GABRB2: variants seen among roughly 807,000 people sequenced by gnomAD.
The protein encoded by GABRB2 is gamma-aminobutyric acid type A receptor subunit beta2.
In GABRB2, 16 loss-of-function variants were observed where a neutral mutation model predicts 54.7. The observed-to-expected ratio is 0.29, with a 90% CI of 0.20 to 0.44. GABRB2 has a LOEUF of 0.44. GABRB2 is among the 20% of genes least tolerant of loss of function. GABRB2 has a pLI of 1.00. For synonymous variants in GABRB2, 244 were observed against 233.8 expected, an observed-to-expected ratio of 1.04 and a Z score of -0.40; for missense variants, 355 against 644.0, an observed-to-expected ratio of 0.55 and a Z score of 4.86.
chr5:161,390,842 C>T (rs1044795686), intron 5 of GABRB2, among the ~76,000 whole-genome samples: 24 of 152,108 alleles, frequency 1.6e-4, no homozygotes, highest in Admixed American at 6.6e-4. Flanking sequence ...ATCTCAAACT[C>T]GCCTATGTTC....
chr5:161,341,937 T>TATATATATA (rs1754172106), intron 5 of GABRB2, among the ~76,000 whole-genome samples: 6 of 75,692 alleles, frequency 7.9e-5, no homozygotes, highest in South Asian at 5.7e-4. Context: ...ATTTTTTCTT[T>TATATATATA]TATATATATA....
intron 5 of GABRB2, among the ~76,000 whole-genome samples, chr5:161,337,176 C>T (rs993640506): frequency 3.3e-5 from 5 of 152,040 alleles, no homozygotes; most frequent in African/African-American, 1.2e-4. Context: ...TCACATAACA[C>T]TAGTTTTTAC....
At chr5:161,439,334 CTT>C (rs1011385505) in intron 4 of GABRB2, among the ~76,000 whole-genome samples, 1 of 152,120 alleles carries the variant, frequency 6.6e-6, no homozygotes, top group Non-Finnish European at 1.5e-5. Context: ...GAAATAAAGA[CTT>C]TCCCAGATGA....
intron 5 of GABRB2, among the ~76,000 whole-genome samples, chr5:161,386,519 A>G (rs1042933801): frequency 6.6e-6 from 1 of 152,160 alleles, no homozygotes; most frequent in Non-Finnish European, 1.5e-5. Flanking sequence ...AGTTATACCA[A>G]TATATTTGAA....
chr5:161,356,153 G>C (rs1051737150), intron 5 of GABRB2, among the ~76,000 whole-genome samples: 37 of 152,132 alleles, frequency 2.4e-4, no homozygotes, highest in Admixed American at 9.8e-4. Context: ...AATGTTTTGT[G>C]ACTTTTTCAG....
At chr5:161,343,996 T>C (rs1422797503) in intron 5 of GABRB2, among the ~76,000 whole-genome samples, 4 of 152,178 alleles carry the variant, frequency 2.6e-5, no homozygotes, top group South Asian at 4.1e-4. Flanking sequence ...TCTGATAAAC[T>C]CCCAGGTGAT....
chr5:161,411,554 A>C (rs538493676), intron 4 of GABRB2, among the ~76,000 whole-genome samples: 29 of 152,304 alleles, frequency 1.9e-4, no homozygotes, highest in African/African-American at 6.5e-4. Flanking sequence ...TATAACACAC[A>C]ATCAGCCATT....
At chr5:161,317,265 T>C (rs969750705) in intron 9 of GABRB2, among the ~76,000 whole-genome samples, 3 of 152,198 alleles carry the variant, frequency 2.0e-5, no homozygotes, top group Non-Finnish European at 2.9e-5. Flanking sequence ...CATTATTAAA[T>C]GTATGCATGT....
chr5:161,331,176 T>A, intron 7 of GABRB2, 49 bp from the exon 8 acceptor site: 2 of 1,503,508 alleles, frequency 1.3e-6, no homozygotes, highest in Non-Finnish European at 1.8e-6. Flanking sequence ...ATCTCTTTTC[T>A]TCTTTCTTAA....
intron 4 of GABRB2, among the ~76,000 whole-genome samples, chr5:161,436,101 C>G (rs1757298555): frequency 6.6e-6 from 1 of 152,162 alleles, no homozygotes; most frequent in Non-Finnish European, 1.5e-5. Context: ...CTCTGTGTGA[C>G]TTTAGGAACA....
intron 7 of GABRB2, among the ~76,000 whole-genome samples, chr5:161,331,365 T>C (rs1271786040): frequency 6.6e-6 from 1 of 152,208 alleles, no homozygotes; most frequent in Non-Finnish European, 1.5e-5. Flanking sequence ...TTTATAGTTA[T>C]ATATCTAGTG....
At chr5:161,320,043 CCTCTTT>C (rs1331355506) in intron 9 of GABRB2, among the ~76,000 whole-genome samples, 2 of 151,518 alleles carry the variant, frequency 1.3e-5, no homozygotes, top group Non-Finnish European at 3.0e-5. Flanking sequence ...ATATTGTCTT[CCTCTTT>C]GTTTCCTTAA....
intron 3 of GABRB2, among the ~76,000 whole-genome samples, chr5:161,529,949 A>C (rs1225109141): frequency 1.3e-5 from 2 of 152,086 alleles, no homozygotes; most frequent in Non-Finnish European, 2.9e-5. Context: ...CACAGCTACA[A>C]TGTAAAATAG....
intron 9 of GABRB2, among the ~76,000 whole-genome samples, chr5:161,321,990 T>C (rs577064547): frequency 2.0e-5 from 3 of 152,282 alleles, no homozygotes; most frequent in African/African-American, 7.2e-5. Context: ...TTAATTACTT[T>C]CATTATATAT....
In GABRB2 at chr5:161,344,555, G is replaced by A. The variant is rs115768291; in HGVS notation, c.542-7786C>T. ...AGTTGATGGGAAACAACAGATGCTG[G>A]TGGGGCTATGGAAAAATAGGGATGC... is the stretch of plus-strand genomic sequence containing the variant. On this transcript the variant is annotated intron_variant, in intron 5 of 9. Coordinates refer to ENST00000393959, the MANE Select transcript of GABRB2 (RefSeq NM_001371727.1). Among the ~76,000 whole-genome samples the A allele has an allele frequency of 1.8e-3, 281 of 152,070 alleles. 2 individuals are homozygous for A. Among genetic ancestry groups the A allele is most frequent in the African/African-American group, 6.5e-3 (268 of 41,492 alleles).
At chr5:161,519,109 T>C (rs1192197522) in intron 3 of GABRB2, among the ~76,000 whole-genome samples, 5 of 152,166 alleles carry the variant, frequency 3.3e-5, no homozygotes, top group Admixed American at 2.0e-4. Flanking sequence ...AAGTTTCATG[T>C]CACTATTTTG....
At chr5:161,437,187 C>T (rs1757337017) in intron 4 of GABRB2, among the ~76,000 whole-genome samples, 1 of 151,952 alleles carries the variant, frequency 6.6e-6, no homozygotes, top group South Asian at 2.1e-4. Flanking sequence ...AGCATCACCA[C>T]CCCTCCACCC....
At chr5:161,320,418 A>T (rs1419268351) in intron 9 of GABRB2, among the ~76,000 whole-genome samples, 1 of 151,826 alleles carries the variant, frequency 6.6e-6, no homozygotes, top group Non-Finnish European at 1.5e-5. Flanking sequence ...TAAAATTTAT[A>T]ATTATACCAC....
chr5:161,432,277 G>A (rs1004704618), intron 4 of GABRB2, among the ~76,000 whole-genome samples: 5 of 152,294 alleles, frequency 3.3e-5, no homozygotes, highest in Non-Finnish European at 7.4e-5. Context: ...AGCAGTCCAA[G>A]GGCAGAATCC....
Sources: gnomAD v4.1 joint callset for allele counts (sites outside exome capture counted in the v4.1 genomes callset) on GRCh38, gnomAD v4.1.1 for gene constraint, MANE v1.5 for transcripts, NCBI Gene and HGNC (gene_info 2026-07-23, HGNC 2026-07-21) for gene names.